The following ANKS1B variants were observed in gnomAD, a reference collection of about 807,000 sequenced individuals.
The protein encoded by ANKS1B is ankyrin repeat and sterile alpha motif domain-containing protein 1B.
ANKS1B carries 36 observed loss-of-function variants against 148.3 expected under a neutral mutation model. The observed-to-expected ratio is 0.24, with a 90% CI of 0.19 to 0.32. ANKS1B has a LOEUF of 0.32. ANKS1B is among the 10% of genes least tolerant of loss of function. The pLI, the probability that ANKS1B is intolerant of heterozygous loss-of-function variation, is 1.00. For synonymous variants in ANKS1B, 542 were observed against 560.8 expected (o/e 0.97, Z 0.47); for missense variants, 1,157 against 1,542.6 (o/e 0.75, Z 4.19).
At chr12:99,580,425 T>C (rs538511780) in intron 9 of ANKS1B, among the ~76,000 whole-genome samples, 1 of 152,302 alleles carries the variant, frequency 6.6e-6, no homozygotes, top group South Asian at 2.1e-4. Context: ...CTATTAGGGA[T>C]AAATATAATG....
intron 12 of ANKS1B, among the ~76,000 whole-genome samples, chr12:99,357,718 A>G (rs1053685199): frequency 2.6e-5 from 4 of 152,126 alleles, no homozygotes; most frequent in Non-Finnish European, 4.4e-5. Flanking sequence ...CTTATTTAAT[A>G]AATTAGGTGA....
At chr12:99,508,910 C>T (rs150219242) in intron 9 of ANKS1B, among the ~76,000 whole-genome samples, 40 of 151,844 alleles carry the variant, frequency 2.6e-4, no homozygotes, top group African/African-American at 8.9e-4. Flanking sequence ...TTATGGCAAC[C>T]GGGCATTGAG....
chr12:99,488,315 TCTC>T (rs755014455), intron 10 of ANKS1B, among the ~76,000 whole-genome samples: 1 of 152,174 alleles, frequency 6.6e-6, no homozygotes, highest in Admixed American at 6.5e-5. Context: ...TTAGTTATCT[TCTC>T]CTTCGCATTT....
In ANKS1B at chr12:99,074,816, C is replaced by T. The variant is rs544296879; in HGVS notation, c.2625+10109G>A. Among the ~76,000 whole-genome samples the T allele has an allele frequency of 2.0e-4, 31 of 152,342 alleles. 1 individual carries two copies. The highest frequency in any genetic ancestry group is 6.7e-4 in the African/African-American group (28 of 41,576). ...CTCTAATCAGCATTTTTGTTTGGCTCAGTCCAGTCTAATAAATATTAACTG... is the reference window on the plus strand; with the variant it reads ...CTCTAATCAGCATTTTTGTTTGGCTTAGTCCAGTCTAATAAATATTAACTG... On this transcript the variant is annotated intron_variant, in intron 16 of 26. Transcript: ENST00000683438.
chr12:99,744,107 C>T (rs2060366445), intron 8 of ANKS1B, among the ~76,000 whole-genome samples: 1 of 151,982 alleles, frequency 6.6e-6, no homozygotes, highest in Non-Finnish European at 1.5e-5. Context: ...TGCAACCAAC[C>T]CCCTGCAGAT....
Position 99,717,294 on chromosome 12 carries a change from A to G in ANKS1B, c.1128+55628T>C, listed in dbSNP as rs999172236. 4.6e-5 allele frequency among the ~76,000 whole-genome samples: 7 copies of G among 152,330 alleles called. No individual in the cohort carries two copies. The South Asian group carries it at 6.2e-4, about 14-fold the overall frequency. On this transcript the variant is annotated intron_variant, in intron 8 of 26. Coordinates refer to ENST00000683438, the MANE Select transcript of ANKS1B (RefSeq NM_001352186.2). ...AATTAACCTCTCCTTCAAGGTGTAC[A>G]ATAATAGGGTAGAGGCAGCCAAGTA... is the stretch of plus-strand genomic sequence containing the variant.
At chr12:98,915,388 G>A (rs1313362664) in intron 17 of ANKS1B, among the ~76,000 whole-genome samples, 4 of 152,074 alleles carry the variant, frequency 2.6e-5, no homozygotes, top group African/African-American at 9.7e-5. Flanking sequence ...GTCTCACTCT[G>A]TTGCCCAGGC....
At chr12:98,906,444 C>T (rs1223747348) in intron 17 of ANKS1B, among the ~76,000 whole-genome samples, 1 of 152,144 alleles carries the variant, frequency 6.6e-6, no homozygotes, top group Non-Finnish European at 1.5e-5. Context: ...GGGGAGGGAA[C>T]AGATGCCACT....
rs968385688 is a variant in ANKS1B, at chr12:98,829,456, G to A, written c.2887-103C>T. 69 of 1,097,834 alleles carry A rather than the reference G, an allele frequency of 6.3e-5. No homozygotes were observed. The highest frequency in any genetic ancestry group is 2.7e-4 in the South Asian group (17 of 63,096). The allele number at this position is 1,097,834 out of a possible 1,614,324, so 68.0% of individuals were successfully genotyped here. On this transcript the variant is annotated intron_variant, in intron 18 of 26. Transcript: ENST00000683438. This position sits in a 1 kb window ranked among gnomAD's most constrained non-coding sequence, Gnocchi z 5.2. ...AGACAAACTGTGGGGGTGGGGAGTC[G>A]CTTTTGAAGCAACAGCCAAGGAATG... is the stretch of plus-strand genomic sequence containing the variant.
intron 15 of ANKS1B, among the ~76,000 whole-genome samples, chr12:99,131,910 C>T (rs1341917768): frequency 1.3e-5 from 2 of 152,162 alleles, no homozygotes; most frequent in Non-Finnish European, 2.9e-5. Flanking sequence ...CCTGCCTCTC[C>T]TGATCCCTCG....
chr12:99,763,385 C>T (rs1055001263), intron 8 of ANKS1B, among the ~76,000 whole-genome samples: 8 of 152,180 alleles, frequency 5.3e-5, no homozygotes, highest in African/African-American at 1.9e-4. Flanking sequence ...CAAATTAACA[C>T]AGGAACAGAT....
chr12:99,160,504 ATT>A (rs3077550), intron 14 of ANKS1B, among the ~76,000 whole-genome samples: 75,606 of 136,722 alleles, frequency 0.55, 20,254 homozygotes, highest in East Asian at 0.64. Flanking sequence ...ACACCAGGCT[ATT>A]TTTTTTTTTT....
intron 12 of ANKS1B, among the ~76,000 whole-genome samples, chr12:99,378,545 C>A (rs1350530518): frequency 1.3e-5 from 2 of 151,544 alleles, no homozygotes; most frequent in African/African-American, 4.9e-5. Context: ...GTCTCAGCTA[C>A]CCAGGAGGCT....
chr12:99,620,124 G>A (rs1055547456), intron 9 of ANKS1B, among the ~76,000 whole-genome samples: 3 of 152,128 alleles, frequency 2.0e-5, no homozygotes, highest in African/African-American at 7.2e-5. Context: ...AGAGCACAGG[G>A]CTGTAGAAGC....
At chr12:99,270,797 A>G (rs1270223243) in intron 12 of ANKS1B, among the ~76,000 whole-genome samples, 1 of 152,240 alleles carries the variant, frequency 6.6e-6, no homozygotes, top group Admixed American at 6.5e-5. Flanking sequence ...TTGTCGAACC[A>G]TACAGAGTGG....
intron 14 of ANKS1B, among the ~76,000 whole-genome samples, chr12:99,241,913 CT>C (rs2089413640): frequency 6.6e-6 from 1 of 152,158 alleles, no homozygotes; most frequent in Non-Finnish European, 1.5e-5. Flanking sequence ...ATAATAAGAG[CT>C]ATTTATGACA....
intron 14 of ANKS1B, among the ~76,000 whole-genome samples, chr12:99,182,509 G>A (rs898769697): frequency 6.6e-6 from 1 of 151,918 alleles, no homozygotes; most frequent in African/African-American, 2.4e-5. Flanking sequence ...TTCTTTTTAT[G>A]GCTGAATAGT....
At chr12:99,428,866 C>T (rs1164364051) in intron 11 of ANKS1B, among the ~76,000 whole-genome samples, 1 of 152,018 alleles carries the variant, frequency 6.6e-6, no homozygotes, top group East Asian at 1.9e-4. Context: ...TGAGATAAGC[C>T]TAGAAATCCC....
At chr12:98,781,310 AACAAC>A (rs765218284) in intron 23 of ANKS1B, 107 bp from the exon 24 acceptor site, 29 of 687,980 alleles carry the variant, frequency 4.2e-5, no homozygotes, top group African/African-American at 9.9e-5. Context: ...TAAAAACAAC[AACAAC>A]ACACACACAC....
Sources: gnomAD v4.1 joint callset for allele counts (sites outside exome capture counted in the v4.1 genomes callset) on GRCh38, gnomAD v4.1.1 for gene constraint, Gnocchi (gnomAD v3.1) non-coding constraint, MANE v1.5 for transcripts, NCBI Gene and HGNC (gene_info 2026-07-23, HGNC 2026-07-21) for gene names.